Variants in DLGAP1 observed in about 807,000 individuals in gnomAD.
DLGAP1 encodes the protein disks large-associated protein 1.
In DLGAP1, 11 loss-of-function variants were observed where a neutral mutation model predicts 90.8. That is an observed-to-expected ratio of 0.12 (90% CI 0.08 to 0.20). DLGAP1 has a LOEUF of 0.20. Among genes scored for constraint, DLGAP1 ranks in the 10% least tolerant of loss-of-function variants. The probability of loss-of-function intolerance (pLI) is 1.00; values close to 1 mark genes in which losing one functional copy is unlikely to be tolerated. For synonymous variants in DLGAP1, 558 were observed against 540.7 expected (o/e 1.03, Z -0.44); for missense variants, 1,050 against 1,333.8 (o/e 0.79, Z 3.31).
chr18:4,145,906 T>C (rs753868184), intron 2 of DLGAP1, among the ~76,000 whole-genome samples: 8 of 152,276 alleles, frequency 5.3e-5, no homozygotes, highest in Admixed American at 1.3e-4. Context: ...GGAATCACTC[T>C]TGATGAAAAA....
intron 7 of DLGAP1, among the ~76,000 whole-genome samples, chr18:3,600,815 T>TAG (rs1268662119): frequency 7.7e-6 from 1 of 129,448 alleles, no homozygotes; most frequent in African/African-American, 3.2e-5. Flanking sequence ...TATAGATATA[T>TAG]ATAGATATAT....
intron 7 of DLGAP1, among the ~76,000 whole-genome samples, chr18:3,687,179 T>C (rs2060731857): frequency 6.6e-6 from 1 of 152,238 alleles, no homozygotes; most frequent in Non-Finnish European, 1.5e-5. Context: ...CTTCTGACAT[T>C]TCAGAATTCC....
At chr18:4,142,386 A>AC (rs1287295979) in intron 2 of DLGAP1, among the ~76,000 whole-genome samples, 1 of 152,186 alleles carries the variant, frequency 6.6e-6, no homozygotes, top group African/African-American at 2.4e-5. Flanking sequence ...TAACAACATT[A>AC]CCACCCAACA....
At chr18:4,449,157 G>A (rs1019137019) in intron 1 of DLGAP1, among the ~76,000 whole-genome samples, 6 of 152,188 alleles carry the variant, frequency 3.9e-5, no homozygotes, top group Non-Finnish European at 5.9e-5. Context: ...GGGTAGGAAA[G>A]AAGTTTATGC....
At chr18:3,777,968 T>C (rs2065010203) in intron 5 of DLGAP1, among the ~76,000 whole-genome samples, 1 of 152,144 alleles carries the variant, frequency 6.6e-6, no homozygotes, top group African/African-American at 2.4e-5. Context: ...AATGAATCCT[T>C]CGTAAGTAAG....
intron 10 of DLGAP1, among the ~76,000 whole-genome samples, chr18:3,525,757 G>C (rs915642926): frequency 1.3e-5 from 2 of 152,180 alleles, no homozygotes; most frequent in African/African-American, 4.8e-5. Flanking sequence ...AGGAGGTCTT[G>C]CTCCGTGAGC....
rs373514822 is a variant in DLGAP1, at chr18:4,221,593, C to T, written c.-266-70306G>A. Among the ~76,000 whole-genome samples the T allele has an allele frequency of 5.9e-5, 9 of 152,276 alleles. No homozygotes were observed. In the East Asian group the frequency reaches 7.7e-4, roughly 13 times the overall value. ...TGCCTCAGAATAACACCTGCTGCTT[C>T]ACCCTGGTCCTGGAAGATGCAGGAC... On this transcript the variant is annotated intron_variant, in intron 1 of 12. Transcript: ENST00000315677.
intron 3 of DLGAP1, among the ~76,000 whole-genome samples, chr18:4,003,871 A>G (rs1246561059): frequency 6.6e-6 from 1 of 152,214 alleles, no homozygotes; most frequent in African/African-American, 2.4e-5. Flanking sequence ...CTCAGGCTCT[A>G]AGGAAGGAAG....
intron 1 of DLGAP1, among the ~76,000 whole-genome samples, chr18:4,284,203 G>GGAA (rs561827750): frequency 7.4e-6 from 1 of 134,632 alleles, no homozygotes; most frequent in Non-Finnish European, 1.6e-5. Context: ...TGCCTCTACT[G>GGAA]AAAAAAAAAA....
chr18:3,816,828 C>T (rs2067131074), intron 4 of DLGAP1, among the ~76,000 whole-genome samples: 1 of 152,160 alleles, frequency 6.6e-6, no homozygotes. Flanking sequence ...CTAGGCTGTG[C>T]TTTGTGGCAC....
chr18:3,813,058 T>C (rs2066921382), intron 5 of DLGAP1, among the ~76,000 whole-genome samples: 1 of 152,212 alleles, frequency 6.6e-6, no homozygotes, highest in South Asian at 2.1e-4. Context: ...TAGAATGAAA[T>C]CAGGTCTTGC....
intron 1 of DLGAP1, among the ~76,000 whole-genome samples, chr18:4,223,179 C>A (rs1248319652): frequency 6.6e-6 from 1 of 151,550 alleles, no homozygotes; most frequent in Non-Finnish European, 1.5e-5. Flanking sequence ...TACTTTATAC[C>A]CTACAGATGT....
chr18:3,849,757 A>G (rs1045022705), intron 4 of DLGAP1, among the ~76,000 whole-genome samples: 1 of 152,182 alleles, frequency 6.6e-6, no homozygotes, highest in African/African-American at 2.4e-5. Flanking sequence ...CAGCAATCAT[A>G]TATGTTTCTG....
intron 7 of DLGAP1, chr18:3,597,775 A>C: frequency 6.4e-6 from 1 of 157,358 alleles, no homozygotes. Flanking sequence ...AAGAAAATGC[A>C]TCCACCGTTC....
chr18:4,275,599 GT>G (rs3041148), intron 1 of DLGAP1, among the ~76,000 whole-genome samples: 67,141 of 149,450 alleles, frequency 0.45, 18,634 homozygotes, highest in African/African-American at 0.8. Flanking sequence ...GATTTTAGCT[GT>G]TTTTTTTTTT....
intron 1 of DLGAP1, among the ~76,000 whole-genome samples, chr18:4,180,411 A>T (rs7239292): frequency 0.43 from 65,580 of 151,900 alleles, 15,163 homozygotes; most frequent in East Asian, 0.7. Context: ...CTTTCCCAAA[A>T]TTCCACACAT....
At chr18:3,791,552 TAGAC>T (rs765728647) in intron 5 of DLGAP1, among the ~76,000 whole-genome samples, 48 of 151,948 alleles carry the variant, frequency 3.2e-4, no homozygotes, top group Non-Finnish European at 6.6e-4. Flanking sequence ...GTGTGTGTGT[TAGAC>T]AGGGAAAGAG....
At chr18:3,908,449 A>G (rs1265182887) in intron 3 of DLGAP1, among the ~76,000 whole-genome samples, 1 of 152,072 alleles carries the variant, frequency 6.6e-6, no homozygotes, top group Non-Finnish European at 1.5e-5. Context: ...CCTCATCAGT[A>G]CTCTTGAAAA....
intron 1 of DLGAP1, among the ~76,000 whole-genome samples, chr18:4,208,747 A>G (rs2030466): frequency 0.11 from 17,244 of 152,098 alleles, 1,605 homozygotes; most frequent in African/African-American, 0.26. Context: ...AGAAAGAGAA[A>G]GAACAGAGGG....
Sources: allele counts gnomAD v4.1 joint callset (sites outside exome capture counted in the v4.1 genomes callset), GRCh38; gene constraint gnomAD v4.1.1; transcripts MANE v1.5; gene names NCBI Gene and HGNC (gene_info 2026-07-23, HGNC 2026-07-21).